FEZ1: variants seen among roughly 807,000 people sequenced by gnomAD.
FEZ1 encodes fasciculation and elongation protein zeta-1.
In FEZ1, 20 loss-of-function variants were observed where a neutral mutation model predicts 49.3. The observed-to-expected ratio is 0.41, with a 90% CI of 0.29 to 0.59. The LOEUF is 0.59. Among genes scored for constraint, FEZ1 ranks in the 20% least tolerant of loss-of-function variants. The pLI, the probability that FEZ1 is intolerant of heterozygous loss-of-function variation, is 0.36. For missense variants in FEZ1, 413 were observed against 476.0 expected (o/e 0.87, Z 1.23); for synonymous variants, 170 against 180.9 (o/e 0.94, Z 0.48).
At chr11:125,478,376 A>G (rs1237373019) in intron 3 of FEZ1, among the ~76,000 whole-genome samples, 2 of 152,202 alleles carry the variant, frequency 1.3e-5, no homozygotes, top group Non-Finnish European at 2.9e-5. Context: ...TGGGAGGCGG[A>G]GGTTGCAGTG....
intron 1 of FEZ1, among the ~76,000 whole-genome samples, chr11:125,493,081 C>T (rs932210468): frequency 6.6e-6 from 1 of 151,184 alleles, no homozygotes; most frequent in African/African-American, 2.4e-5. Flanking sequence ...AATCCCAGCA[C>T]TTTGGGAGGC....
chr11:125,482,257 C>T (rs879444810), intron 2 of FEZ1, among the ~76,000 whole-genome samples: 2 of 152,138 alleles, frequency 1.3e-5, no homozygotes, highest in Non-Finnish European at 2.9e-5. Context: ...AATGTTCTAT[C>T]GAACCCACGG....
rs796507357 is a variant in FEZ1 at position 125,449,441 on chromosome 11, A to AAAAG, written c.1097-875_1097-874insCTTT. On this transcript the variant is annotated intron_variant, in intron 8 of 9. Transcript: ENST00000278919. The stretch of plus-strand genomic sequence containing the variant: ...ATAAAAAAAAAAAAAAAAAAAAAAA[A>AAAAG]AAGAAGAAGAGGAAGAAAAGAAAAA... Among the ~76,000 whole-genome samples the AAAAG allele has an allele frequency of 6.8e-3, 868 of 127,660 alleles. 4 individuals are homozygous for AAAAG. Among genetic ancestry groups the AAAAG allele is most frequent in the East Asian group, 0.014 (48 of 3,494 alleles). The allele number at this position is 127,660 out of a possible 152,430, so 83.7% of individuals were successfully genotyped here. A position where few individuals can be genotyped will look rare whatever the true frequency, so the allele number is the denominator to read the frequency against.
chr11:125,477,539 T>G (rs562061962), intron 3 of FEZ1, among the ~76,000 whole-genome samples: 1 of 151,930 alleles, frequency 6.6e-6, no homozygotes, highest in African/African-American at 2.4e-5. Flanking sequence ...TTCTTAGAGA[T>G]AGCAAAGGGC....
rs564015547 is a variant in FEZ1, at chr11:125,443,584, C to G, written c.*2511G>C. Among the ~76,000 whole-genome samples, 1 of 152,288 alleles carries G rather than the reference C, an allele frequency of 6.6e-6. No homozygotes were observed. Among genetic ancestry groups the G allele is most frequent in the East Asian group, 1.9e-4 (1 of 5,180 alleles). On this transcript the variant is annotated 3_prime_UTR_variant, in exon 10 of 10. Coordinates refer to ENST00000278919, the MANE Select transcript of FEZ1 (RefSeq NM_005103.5). ...GACCTTGTTAAAATGCAAATTCTGA[C>G]TTAGTAGGCCTGATGTGGGGCCTGA...
In FEZ1 at chr11:125,460,530, G is replaced by A; in HGVS notation, c.635C>T (p.Thr212Ile). 6.2e-7 allele frequency: 1 copy of A among 1,614,156 alleles called. No individual in the cohort carries two copies. The highest frequency in any genetic ancestry group is 1.3e-5 in the African/African-American group (1 of 75,054). ...SVLLQEMQAL[T>I]QTFNNNWSYE... ...GGACCAGTTGTTGTTGAAGGTCTGT[G>A]TCAATGCCTGCATCTCCTGCAGGAG... Residue 212 changes from threonine to isoleucine, a missense_variant, in exon 5 of 10, where the codon ACA becomes ATA. Physicochemically the swap from Thr to Ile is moderately conservative, Grantham distance 89. Coordinates refer to ENST00000278919, the MANE Select transcript of FEZ1 (RefSeq NM_005103.5).
chr11:125,493,384 A>G (rs1436676825), intron 1 of FEZ1, among the ~76,000 whole-genome samples: 1 of 51,484 alleles, frequency 1.9e-5, no homozygotes, highest in South Asian at 6.3e-4. Flanking sequence ...GAAAGAAAGA[A>G]AGAAAGAAAG....
chr11:125,452,018 G>A (rs1047373579), intron 8 of FEZ1, among the ~76,000 whole-genome samples: 3 of 152,184 alleles, frequency 2.0e-5, no homozygotes, highest in African/African-American at 7.2e-5. Context: ...AGGATGCCAA[G>A]CCTTGGGAAC....
chr11:125,493,971 C>T (rs1192401075), intron 1 of FEZ1, among the ~76,000 whole-genome samples: 1 of 152,096 alleles, frequency 6.6e-6, no homozygotes, highest in African/African-American at 2.4e-5. Context: ...AAGCACTCTG[C>T]CCAGGCAGAG....
In FEZ1 at chr11:125,489,711, G is replaced by T. The variant is rs202033188; in HGVS notation, c.67C>A (p.Pro23Thr). 3 of 1,609,914 alleles carry T rather than the reference G, an allele frequency of 1.9e-6. No homozygotes were observed. The highest frequency in any genetic ancestry group is 1.1e-5 in the South Asian group (1 of 90,386). ...TAGAAACACTGGGGCTTCTCCTCCG[G>T]GTCCTCCGAGCAGGAGGGTCGAAGG... ...EDLRPSCSED[P>T]EEKPQCFYGS... The change falls in exon 2 of 10, where the codon CCG (proline) becomes ACG (threonine). Residue 23 changes from proline to threonine, a missense_variant. By Grantham distance (38) the Pro-to-Thr change is conservative (BLOSUM62 -1). Transcript: ENST00000278919. This position sits in a 1 kb window ranked among gnomAD's most constrained non-coding sequence, Gnocchi z 4.2.
rs888357715 is a variant in FEZ1, at chr11:125,445,668, C to T, written c.*427G>A. 4 of 310,046 alleles carry T rather than the reference C, an allele frequency of 1.3e-5. No individual in the cohort carries two copies. Among genetic ancestry groups the T allele is most frequent in the Admixed American group, 8.9e-5 (2 of 22,350 alleles). The allele number at this position is 310,046 out of a possible 1,614,324, so 19.2% of individuals were successfully genotyped here. ...CTGGCTGCCACAGGCCACAGGCCGG[C>T]GTGCAAAGAATGCTATACAGCCCGT... On this transcript the variant is annotated 3_prime_UTR_variant, in exon 10 of 10. Coordinates refer to ENST00000278919, the MANE Select transcript of FEZ1 (RefSeq NM_005103.5). This position sits in a 1 kb window ranked among gnomAD's most constrained non-coding sequence, Gnocchi z 4.4.
rs1195940810 is a variant in FEZ1 at position 125,445,889 on chromosome 11, C to G, written c.*206G>C. 1.6e-6 allele frequency: 1 copy of G among 614,638 alleles called. No homozygotes were observed. Among genetic ancestry groups the G allele is most frequent in the Non-Finnish European group, 3.0e-6 (1 of 330,124 alleles). The allele number at this position is 614,638 out of a possible 1,614,324, so 38.1% of individuals were successfully genotyped here. A position where few individuals can be genotyped will look rare whatever the true frequency, so the allele number is the denominator to read the frequency against. ...GACACCAGCAAGGGGGAGGCACCATCACCGGCCCTGCCCCATCATGCATCC... is the reference window on the plus strand; with the variant it reads ...GACACCAGCAAGGGGGAGGCACCATGACCGGCCCTGCCCCATCATGCATCC... On this transcript the variant is annotated 3_prime_UTR_variant, in exon 10 of 10. Transcript: ENST00000278919. The surrounding 1 kb of genome is among the most constrained non-coding windows in gnomAD (Gnocchi z 4.4).
chr11:125,486,695 C>T (rs1408665205), intron 2 of FEZ1, among the ~76,000 whole-genome samples: 1 of 152,194 alleles, frequency 6.6e-6, no homozygotes, highest in East Asian at 1.9e-4. Flanking sequence ...ATCCACAGCA[C>T]TTTTCACTCA....
rs187592394 is a variant in FEZ1 at position 125,486,900 on chromosome 11, T to G, written c.311+2567A>C. 2.0e-5 allele frequency among the ~76,000 whole-genome samples: 3 copies of G among 152,340 alleles called. No individual in the cohort carries two copies. The East Asian group carries it at 5.8e-4, about 29-fold the overall frequency. On this transcript the variant is annotated intron_variant, in intron 2 of 9. Transcript: ENST00000278919. ...TGTGTAACAGAATTCTGATTTTTAT[T>G]TTAAATTATAAAGAGGGGTTAGAAC... is the stretch of plus-strand genomic sequence containing the variant.
At chr11:125,490,964 G>A (rs1009929278) in intron 1 of FEZ1, among the ~76,000 whole-genome samples, 1 of 152,106 alleles carries the variant, frequency 6.6e-6, no homozygotes, top group Admixed American at 6.5e-5. Context: ...ATGTTGGCCA[G>A]GCTGGTCTCG....
chr11:125,456,102 C>T lies in FEZ1; in HGVS notation c.672G>A (p.Leu224=), dbSNP rs780069538. The change falls in exon 6 of 10, where the codon CTG becomes CTA. Residue 224 remains leucine (L), a synonymous_variant. Transcript: ENST00000278919. ...TFNNNWSYEG[L]RHMSGSELTE... ...TCAGCTCAGACCCAGACATGTGCCT[C>T]AGCCCTGCAGGGGAAGACCGTCTCC... 1.1e-5 allele frequency: 17 copies of T among 1,587,644 alleles called. No homozygotes were observed. The highest frequency in any genetic ancestry group is 1.5e-5 in the Non-Finnish European group (17 of 1,167,896).
At chr11:125,486,311 C>T (rs1379764753) in intron 2 of FEZ1, among the ~76,000 whole-genome samples, 1 of 152,100 alleles carries the variant, frequency 6.6e-6, no homozygotes, top group Non-Finnish European at 1.5e-5. Flanking sequence ...AGCTGAGGGC[C>T]GTCAATTTCC....
chr11:125,446,693 T>C (rs532624097), intron 9 of FEZ1, among the ~76,000 whole-genome samples: 1 of 152,232 alleles, frequency 6.6e-6, no homozygotes, highest in African/African-American at 2.4e-5. Flanking sequence ...TGTTTGTTTT[T>C]TTGAGACAGG....
At chr11:125,471,822 C>G (rs909572926) in intron 3 of FEZ1, among the ~76,000 whole-genome samples, 4 of 152,058 alleles carry the variant, frequency 2.6e-5, no homozygotes, top group African/African-American at 9.7e-5. Context: ...TGCATCATTT[C>G]CAATGGCATA....
Sources: allele counts gnomAD v4.1 joint callset (sites outside exome capture counted in the v4.1 genomes callset), GRCh38; gene constraint gnomAD v4.1.1; non-coding constraint Gnocchi (gnomAD v3.1); transcripts MANE v1.5; gene names NCBI Gene and HGNC (gene_info 2026-07-23, HGNC 2026-07-21).